The following PDE7B variants were observed in gnomAD, a reference collection of about 807,000 sequenced individuals.
PDE7B encodes the protein phosphodiesterase 7B, also known as 3',5'-cyclic-AMP phosphodiesterase 7B.
A neutral mutation model predicts 56.2 loss-of-function variants in PDE7B; 29 were observed. That is an observed-to-expected ratio of 0.52 (90% CI 0.38 to 0.70). The LOEUF is 0.70. Among genes scored for constraint, PDE7B ranks in the 30% least tolerant of loss-of-function variants. PDE7B has a pLI of 0.00. For synonymous variants in PDE7B, 197 were observed against 196.9 expected (o/e 1.00, Z 0.00); for missense variants, 490 against 565.0 (o/e 0.87, Z 1.35).
At chr6:135,945,172 C>T (rs557862226) in intron 1 of PDE7B, among the ~76,000 whole-genome samples, 2 of 152,132 alleles carry the variant, frequency 1.3e-5, no homozygotes, top group African/African-American at 4.8e-5. Context: ...GAAATAGGAA[C>T]AAATACTATG....
At chr6:136,128,695 T>G (rs1310458548) in intron 3 of PDE7B, among the ~76,000 whole-genome samples, 1 of 152,112 alleles carries the variant, frequency 6.6e-6, no homozygotes, top group African/African-American at 2.4e-5. Context: ...GAACTAACAG[T>G]TTAGTGGGTG....
At chr6:135,997,190 G>A (rs1427081455) in intron 2 of PDE7B, among the ~76,000 whole-genome samples, 2 of 151,664 alleles carry the variant, frequency 1.3e-5, no homozygotes, top group East Asian at 3.9e-4. Context: ...GGCCAAGATG[G>A]GCAGATTGCT....
chr6:136,040,655 A>AG (rs1233020283), intron 2 of PDE7B, among the ~76,000 whole-genome samples: 5 of 152,332 alleles, frequency 3.3e-5, no homozygotes, highest in African/African-American at 1.2e-4. Flanking sequence ...GGTTTATGAT[A>AG]GACAGCTCTT....
intron 1 of PDE7B, among the ~76,000 whole-genome samples, chr6:135,934,433 T>C (rs1167688608): frequency 1.3e-5 from 2 of 151,964 alleles, no homozygotes; most frequent in Non-Finnish European, 2.9e-5. Context: ...GTTTAAAATA[T>C]ATATATATTC....
chr6:135,909,986 G>T (rs1020640784), intron 1 of PDE7B, among the ~76,000 whole-genome samples: 1 of 152,184 alleles, frequency 6.6e-6, no homozygotes, highest in African/African-American at 2.4e-5. Context: ...GCTTACATTT[G>T]CAAGAGACTG....
chr6:136,017,915 T>C (rs1776004749), intron 2 of PDE7B, among the ~76,000 whole-genome samples: 1 of 152,182 alleles, frequency 6.6e-6, no homozygotes, highest in Non-Finnish European at 1.5e-5. Context: ...CATACACACA[T>C]ACCCTAAGCA....
intron 2 of PDE7B, among the ~76,000 whole-genome samples, chr6:136,054,031 T>G (rs1776683755): frequency 6.6e-6 from 1 of 152,032 alleles, no homozygotes; most frequent in Admixed American, 6.5e-5. Context: ...TGGTAGTTTC[T>G]TTTGCTGTGC....
rs759555345 is a variant in PDE7B at position 136,195,077 on chromosome 6, C to T, written c.*3237C>T. 6.6e-6 allele frequency: 1 copy of T among 152,116 alleles called. No individual in the cohort carries two copies. Among genetic ancestry groups the T allele is most frequent in the Non-Finnish European group, 1.5e-5 (1 of 68,032 alleles). The allele number at this position is 152,116 out of a possible 1,614,324, so 9.4% of individuals were successfully genotyped here. On this transcript the variant is annotated 3_prime_UTR_variant, in exon 13 of 13. Coordinates refer to ENST00000308191, the MANE Select transcript of PDE7B (RefSeq NM_018945.4). ...CGGTAAAGTTAAGATTAAATTAAGA[C>T]AGAGAGAGAATACATATCACTGCCA...
chr6:135,931,731 A>G (rs1266811393), intron 1 of PDE7B, among the ~76,000 whole-genome samples: 2 of 152,142 alleles, frequency 1.3e-5, no homozygotes, highest in Non-Finnish European at 2.9e-5. Context: ...ACGGTGCACA[A>G]TACATCATTT....
chr6:136,120,308 C>T (rs892457863), intron 3 of PDE7B, among the ~76,000 whole-genome samples: 2 of 152,124 alleles, frequency 1.3e-5, no homozygotes, highest in African/African-American at 2.4e-5. Flanking sequence ...TGCTTTCCAA[C>T]ATGTGGTTGT....
chr6:135,939,053 A>T (rs1312275981), intron 1 of PDE7B, among the ~76,000 whole-genome samples: 1 of 152,184 alleles, frequency 6.6e-6, no homozygotes, highest in East Asian at 1.9e-4. Flanking sequence ...TTGAGCTAAC[A>T]TTCTGTTCTT....
intron 2 of PDE7B, among the ~76,000 whole-genome samples, chr6:136,030,369 G>T (rs1373702175): frequency 6.6e-6 from 1 of 152,152 alleles, no homozygotes; most frequent in Non-Finnish European, 1.5e-5. Flanking sequence ...CTGTGCCTAG[G>T]GCGCATGAAT....
intron 11 of PDE7B, among the ~76,000 whole-genome samples, chr6:136,185,578 T>A (rs766718327): frequency 2.6e-5 from 4 of 151,362 alleles, no homozygotes; most frequent in African/African-American, 7.3e-5. Context: ...AACGTAGAGA[T>A]CCTATCTCTA....
chr6:135,883,045 G>A (rs1775638445), intron 1 of PDE7B, among the ~76,000 whole-genome samples: 1 of 152,110 alleles, frequency 6.6e-6, no homozygotes, highest in African/African-American at 2.4e-5. Context: ...GCATTCTTCA[G>A]GTATCAGGGT....
intron 2 of PDE7B, among the ~76,000 whole-genome samples, chr6:135,978,917 G>A (rs533757047): frequency 6.6e-6 from 1 of 151,912 alleles, no homozygotes; most frequent in African/African-American, 2.4e-5. Flanking sequence ...ACACTATGTT[G>A]AATAGGAGTG....
intron 3 of PDE7B, among the ~76,000 whole-genome samples, chr6:136,121,433 A>G (rs1777931713): frequency 6.6e-6 from 1 of 152,124 alleles, no homozygotes; most frequent in African/African-American, 2.4e-5. Context: ...TCTGTTTTGG[A>G]GAGAATTCTT....
chr6:135,898,124 T>A (rs1248882054), intron 1 of PDE7B, among the ~76,000 whole-genome samples: 6 of 152,222 alleles, frequency 3.9e-5, no homozygotes, highest in African/African-American at 1.4e-4. Context: ...AAAACATGGC[T>A]TACTTGCAGC....
chr6:135,927,295 G>GTA (rs1039738218), intron 1 of PDE7B, among the ~76,000 whole-genome samples: 62 of 152,254 alleles, frequency 4.1e-4, no homozygotes, highest in African/African-American at 1.3e-3. Context: ...TAGCCTTGTA[G>GTA]TATAGTTTGA....
chr6:136,047,271 G>T (rs1445015450), intron 2 of PDE7B: 1 of 152,112 alleles, frequency 6.6e-6, no homozygotes, highest in African/African-American at 2.4e-5. Flanking sequence ...TTGACCAAAT[G>T]ACTGTAATAC....
Sources: gnomAD v4.1 joint callset for allele counts (sites outside exome capture counted in the v4.1 genomes callset) on GRCh38, gnomAD v4.1.1 for gene constraint, MANE v1.5 for transcripts, NCBI Gene and HGNC (gene_info 2026-07-23, HGNC 2026-07-21) for gene names.